Variants in NALCN observed in about 807,000 individuals in gnomAD.
The protein encoded by NALCN is sodium leak channel NALCN.
NALCN carries 111 observed loss-of-function variants against 225.3 expected under a neutral mutation model. The observed-to-expected ratio is 0.49, with a 90% CI of 0.42 to 0.58. The LOEUF (loss-of-function observed/expected upper bound fraction) is 0.58, where lower values mean the gene tolerates loss of function less well. Ranked by LOEUF, NALCN falls within the 20% of genes least tolerant of loss-of-function variation. The pLI, the probability that NALCN is intolerant of heterozygous loss-of-function variation, is 0.00. For missense variants in NALCN, 1,378 were observed against 2,202.4 expected (o/e 0.63, Z 7.49); for synonymous variants, 764 against 769.0 (o/e 0.99, Z 0.11).
At chr13:101,163,874 T>C (rs2139879567) in intron 15 of NALCN, among the ~76,000 whole-genome samples, 1 of 152,310 alleles carries the variant, frequency 6.6e-6, no homozygotes, top group East Asian at 1.9e-4. Context: ...AAGCTCCTTC[T>C]GGAGGTTCTG....
chr13:101,177,652 G>A (rs567851291), intron 14 of NALCN, among the ~76,000 whole-genome samples: 253 of 151,882 alleles, frequency 1.7e-3, no homozygotes, highest in African/African-American at 5.6e-3. Context: ...AATATTTTAC[G>A]CTGTAGTCCC....
intron 14 of NALCN, among the ~76,000 whole-genome samples, chr13:101,183,260 A>G (rs2039312272): frequency 6.6e-6 from 1 of 152,194 alleles, no homozygotes; most frequent in Non-Finnish European, 1.5e-5. Flanking sequence ...TAGCCACTAA[A>G]TGTGATTTAC....
At chr13:101,387,223 G>A (rs1211454100) in intron 3 of NALCN, among the ~76,000 whole-genome samples, 3 of 76,464 alleles carry the variant, frequency 3.9e-5, no homozygotes, top group African/African-American at 9.3e-5. Context: ...GCGAGACTCC[G>A]TCTCAAAAAA....
chr13:101,261,772 A>G (rs543656867), intron 10 of NALCN, among the ~76,000 whole-genome samples: 10 of 152,330 alleles, frequency 6.6e-5, no homozygotes, highest in Middle Eastern at 3.4e-3. Context: ...TTCCAAATAT[A>G]AGATCATATC....
intron 17 of NALCN, among the ~76,000 whole-genome samples, chr13:101,136,314 A>ATTTATTTATG (rs61142230): frequency 2.7e-5 from 2 of 74,158 alleles, no homozygotes; most frequent in South Asian, 4.6e-4. Context: ...TTATTTATTT[A>ATTTATTTATG]TATATTATAC....
intron 26 of NALCN, among the ~76,000 whole-genome samples, chr13:101,102,451 T>C (rs1446503390): frequency 6.6e-6 from 1 of 152,168 alleles, no homozygotes; most frequent in African/African-American, 2.4e-5. Context: ...TTCATGCTTC[T>C]CATGCACAAG....
At chr13:101,317,471 G>A (rs901556560) in intron 7 of NALCN, among the ~76,000 whole-genome samples, 2 of 152,098 alleles carry the variant, frequency 1.3e-5, no homozygotes, top group Non-Finnish European at 2.9e-5. Flanking sequence ...CTTCTCCCTC[G>A]TAAGCATCAT....
At chr13:101,238,424 T>C (rs1281495838) in intron 11 of NALCN, among the ~76,000 whole-genome samples, 1 of 151,936 alleles carries the variant, frequency 6.6e-6, no homozygotes, top group African/African-American at 2.4e-5. Context: ...TACCAAGCAA[T>C]TGATCTATGT....
At chr13:101,165,625 A>G (rs2038401113) in intron 15 of NALCN, among the ~76,000 whole-genome samples, 1 of 152,108 alleles carries the variant, frequency 6.6e-6, no homozygotes, top group Non-Finnish European at 1.5e-5. Context: ...ATGCGCCACC[A>G]TGTCCGGCTA....
In NALCN at chr13:101,073,534, T is replaced by G. The variant is rs1227454773; in HGVS notation, c.4197+50A>C. On this transcript the variant is annotated intron_variant, in intron 37 of 43. Coordinates refer to ENST00000251127, the MANE Select transcript of NALCN (RefSeq NM_052867.4). ...TCCTGCCAACATTGTGTTGCAAGAGTTTCATGCTGATTCTAAGTCTAAGCC... is the reference window on the plus strand; with the variant it reads ...TCCTGCCAACATTGTGTTGCAAGAGGTTCATGCTGATTCTAAGTCTAAGCC... 6 of 1,472,504 alleles carry G rather than the reference T, an allele frequency of 4.1e-6. No individual in the cohort carries two copies. In the Admixed American group the frequency reaches 1.1e-4, roughly 26 times the overall value. The allele number at this position is 1,472,504 out of a possible 1,614,324, so 91.2% of individuals were successfully genotyped here.
chr13:101,239,317 A>T (rs1243821544), intron 11 of NALCN, among the ~76,000 whole-genome samples: 1 of 151,986 alleles, frequency 6.6e-6, no homozygotes, highest in Non-Finnish European at 1.5e-5. Context: ...TTATGTATAA[A>T]TATTACATAC....
At chr13:101,130,735 T>G (rs1566313907) in intron 17 of NALCN, among the ~76,000 whole-genome samples, 1 of 152,228 alleles carries the variant, frequency 6.6e-6, no homozygotes, top group African/African-American at 2.4e-5. Flanking sequence ...GTTCTTTCCT[T>G]TATAAATCAC....
rs2139535152 is a variant in NALCN at position 101,405,981 on chromosome 13, T to C, written c.-39-6816A>G. On this transcript the variant is annotated intron_variant, in intron 1 of 43. Transcript: ENST00000251127. ...AAACAGAGTCCTTCTAACAAAAATG[T>C]TGGTTGAGGGGTTATTATGTGCCAG... 1.3e-5 allele frequency among the ~76,000 whole-genome samples: 2 copies of C among 152,162 alleles called. 1 individual carries two copies. Among genetic ancestry groups the C allele is most frequent in the Middle Eastern group, 6.8e-3 (2 of 294 alleles).
In NALCN at chr13:101,286,024, T is replaced by C. The variant is rs1388275079; in HGVS notation, c.1048-2005A>G. On this transcript the variant is annotated intron_variant, in intron 9 of 43. Transcript: ENST00000251127. ...TCAAAAGAATCAATTTAATTTTCAGTAAAAGTGTTCTCCCAAGGTCACTTA... is the reference window on the plus strand; with the variant it reads ...TCAAAAGAATCAATTTAATTTTCAGCAAAAGTGTTCTCCCAAGGTCACTTA... Among the ~76,000 whole-genome samples, 3 of 152,190 alleles carry C rather than the reference T, an allele frequency of 2.0e-5. No homozygotes were observed. In the East Asian group the frequency reaches 5.8e-4, roughly 29 times the overall value.
chr13:101,149,725 C>T (rs530575680), intron 15 of NALCN, among the ~76,000 whole-genome samples: 77 of 152,296 alleles, frequency 5.1e-4, no homozygotes, highest in African/African-American at 1.7e-3. Context: ...GAAGGATGAG[C>T]GGCTGCTTGA....
chr13:101,061,974 G>A lies in NALCN; in HGVS notation c.4749C>T (p.Ile1583=). 1 of 1,613,800 alleles carries A rather than the reference G, an allele frequency of 6.2e-7. No homozygotes were observed. The highest frequency in any genetic ancestry group is 1.3e-5 in the African/African-American group (1 of 75,052). The change falls in exon 41 of 44, where the codon ATC becomes ATT. Residue 1583 remains isoleucine (I), a synonymous_variant. Transcript: ENST00000251127. ...ATGTGTGCAGTTCACTCACAGCTCT[G>A]ATGCGCTTCAGGCACTTCTTGAGCC... The part of the protein sequence containing the change: ...RMWLKKCLKR[I]RAKQQQSCSI...
chr13:101,060,067 G>A, intron 41 of NALCN, 100 bp from the exon 42 acceptor site: 1 of 1,354,994 alleles, frequency 7.4e-7, no homozygotes, highest in Non-Finnish European at 1.0e-6. Context: ...CCTAAGACCT[G>A]CATGACGGGT....
At chr13:101,288,585 T>C (rs1056378176) in intron 9 of NALCN, among the ~76,000 whole-genome samples, 4 of 152,210 alleles carry the variant, frequency 2.6e-5, no homozygotes, top group Non-Finnish European at 4.4e-5. Flanking sequence ...TCTACCTTTA[T>C]CAGTCTTCTC....
At chr13:101,094,356 T>C (rs2034392503) in intron 28 of NALCN, among the ~76,000 whole-genome samples, 1 of 152,132 alleles carries the variant, frequency 6.6e-6, no homozygotes, top group Non-Finnish European at 1.5e-5. Context: ...TTGGCAGAGG[T>C]GGGAGGCACC....
Sources: allele counts gnomAD v4.1 joint callset (sites outside exome capture counted in the v4.1 genomes callset), GRCh38; gene constraint gnomAD v4.1.1; transcripts MANE v1.5; gene names NCBI Gene and HGNC (gene_info 2026-07-23, HGNC 2026-07-21).